ATRN: variants seen among roughly 807,000 people sequenced by gnomAD.
The protein encoded by ATRN is attractin-2.
Under a neutral mutation model 178.7 loss-of-function variants are expected in ATRN, and 54 were observed. That is an observed-to-expected ratio of 0.30 (90% CI 0.24 to 0.38). ATRN has a LOEUF of 0.38. Among genes scored for constraint, ATRN ranks in the 10% least tolerant of loss-of-function variants. The pLI is 1.00. For synonymous variants in ATRN, 636 were observed against 663.0 expected (o/e 0.96, Z 0.63); for missense variants, 1,443 against 1,815.1 (o/e 0.79, Z 3.73).
intron 2 of ATRN, among the ~76,000 whole-genome samples, chr20:3,538,213 T>C (rs141300437): frequency 6.6e-6 from 1 of 151,474 alleles, no homozygotes; most frequent in African/African-American, 2.4e-5. Flanking sequence ...AATCAAGATA[T>C]CCTTAAATGA....
rs1009069402 is a variant in ATRN at position 3,632,485 on chromosome 20, C to T, written c.3864-1826C>T. ...GAGGCTCCCCAAGCCATCCCAGGCACGGCCTTGCCTCGGGCTTTGCACTGA... is the reference window on the plus strand; with the variant it reads ...GAGGCTCCCCAAGCCATCCCAGGCATGGCCTTGCCTCGGGCTTTGCACTGA... On this transcript the variant is annotated intron_variant, in intron 25 of 28. Coordinates refer to ENST00000262919, the MANE Select transcript of ATRN (RefSeq NM_139321.3). The surrounding 1 kb of genome is among the most constrained non-coding windows in gnomAD (Gnocchi z 4.2). Among the ~76,000 whole-genome samples the T allele has an allele frequency of 4.6e-5, 7 of 152,190 alleles. No individual in the cohort carries two copies. Among genetic ancestry groups the T allele is most frequent in the South Asian group, 2.1e-4 (1 of 4,836 alleles).
chr20:3,563,043 T>C (rs2085977006), intron 9 of ATRN, among the ~76,000 whole-genome samples, 166 bp from the exon 10 acceptor site: 1 of 152,240 alleles, frequency 6.6e-6, no homozygotes, highest in Non-Finnish European at 1.5e-5. Flanking sequence ...TCTTTAAAAT[T>C]ATCTGTATTT....
chr20:3,557,244 C>A (rs887123134), intron 6 of ATRN, among the ~76,000 whole-genome samples: 4 of 152,046 alleles, frequency 2.6e-5, no homozygotes, highest in African/African-American at 9.7e-5. Flanking sequence ...ATAGAGGTTG[C>A]GGGTAGGCAG....
Position 3,576,695 on chromosome 20 carries a change from G to GTCTGTCTGTCTGTCTGTCTA in ATRN, c.2215-161_2215-160insGTCTGTCTGTCTGTCTATCT, listed in dbSNP as rs11472378. On this transcript the variant is annotated intron_variant, in intron 13 of 28. Transcript: ENST00000262919. ...TATCTATCTATCTGTCTGTCTGTCT[G>GTCTGTCTGTCTGTCTGTCTA]TCTATCTATCTATCTATCTATCTAT... Among the ~76,000 whole-genome samples the GTCTGTCTGTCTGTCTGTCTA allele has an allele frequency of 6.8e-4, 97 of 142,380 alleles. 2 individuals carry two copies. In the South Asian group the frequency reaches 0.013, roughly 19 times the overall value. The allele number at this position is 142,380 out of a possible 152,430, so 93.4% of individuals were successfully genotyped here. A position where few individuals can be genotyped will look rare whatever the true frequency, so the allele number is the denominator to read the frequency against.
At chr20:3,493,521 C>T (rs1436272063) in intron 1 of ATRN, among the ~76,000 whole-genome samples, 1 of 151,966 alleles carries the variant, frequency 6.6e-6, no homozygotes, top group East Asian at 1.9e-4. Context: ...TCTCAAGCTC[C>T]TGGCCTCAAG....
intron 11 of ATRN, among the ~76,000 whole-genome samples, chr20:3,569,494 A>G (rs2086086234): frequency 2.6e-5 from 4 of 152,320 alleles, no homozygotes; most frequent in Non-Finnish European, 5.9e-5. Flanking sequence ...GAGGGAGCAT[A>G]CAGGACTGGA....
chr20:3,552,527 T>C (rs2085804588), intron 6 of ATRN, among the ~76,000 whole-genome samples: 2 of 152,232 alleles, frequency 1.3e-5, no homozygotes, highest in South Asian at 4.1e-4. Flanking sequence ...CCCGTATTGG[T>C]ATATTTATGA....
At chr20:3,535,772 A>G (rs1490635316) in intron 2 of ATRN, among the ~76,000 whole-genome samples, 1 of 152,024 alleles carries the variant, frequency 6.6e-6, no homozygotes, top group African/African-American at 2.4e-5. Context: ...CTAGGATTAC[A>G]GGTGCATGCC....
chr20:3,573,985 G>A (rs1290945160), intron 12 of ATRN, among the ~76,000 whole-genome samples: 1 of 152,028 alleles, frequency 6.6e-6, no homozygotes, highest in African/African-American at 2.4e-5. Flanking sequence ...TGATCTGCCC[G>A]CCTCAGCCTC....
chr20:3,574,201 G>A (rs1194732799), intron 12 of ATRN, among the ~76,000 whole-genome samples: 1 of 150,714 alleles, frequency 6.6e-6, no homozygotes, highest in South Asian at 2.1e-4. Flanking sequence ...AACTTTTCAC[G>A]AATATAAATT....
intron 1 of ATRN, among the ~76,000 whole-genome samples, chr20:3,520,288 G>A (rs2085274780): frequency 6.6e-6 from 1 of 152,138 alleles, no homozygotes; most frequent in South Asian, 2.1e-4. Flanking sequence ...TATCTTAGGA[G>A]TCTCATTTTT....
At chr20:3,618,979 G>A (rs879695708) in intron 24 of ATRN, among the ~76,000 whole-genome samples, 5 of 152,244 alleles carry the variant, frequency 3.3e-5, no homozygotes, top group Non-Finnish European at 7.3e-5. Context: ...GCAAAGCCAA[G>A]AAGAGTAGAG....
intron 1 of ATRN, among the ~76,000 whole-genome samples, chr20:3,512,107 A>ATATATATATATATATATTTT: frequency 1.1e-3 from 118 of 106,290 alleles, no homozygotes; most frequent in Non-Finnish European, 1.7e-3. Flanking sequence ...ATATATATAT[A>ATATATATATATATATATTTT]TTTTTTTTTT....
At position 3,565,318 on chromosome 20, in the gene ATRN, C is replaced by T. The variant is rs191211030; in HGVS notation, c.1787-30C>T. ...GTCCTGTTGATTAGAAATGGTAGTC[C>T]GTTTAAAAATATATTTTTCTTTCTC... On this transcript the variant is annotated intron_variant, in intron 10 of 28. Coordinates refer to ENST00000262919, the MANE Select transcript of ATRN (RefSeq NM_139321.3). 27 of 1,558,236 alleles carry T rather than the reference C, an allele frequency of 1.7e-5. No homozygotes were observed. In the East Asian group the frequency reaches 2.0e-4, roughly 12 times the overall value.
chr20:3,489,026 T>A (rs1330487878), intron 1 of ATRN, among the ~76,000 whole-genome samples: 1 of 152,192 alleles, frequency 6.6e-6, no homozygotes, highest in Non-Finnish European at 1.5e-5. Flanking sequence ...AGTGGCGTGA[T>A]CTTGGCTCAC....
chr20:3,479,890 A>T (rs1443668421), intron 1 of ATRN, among the ~76,000 whole-genome samples: 2 of 152,152 alleles, frequency 1.3e-5, no homozygotes, highest in African/African-American at 4.8e-5. Flanking sequence ...TCTTAAGGGT[A>T]CCAGTCATAG....
At chr20:3,489,814 A>G in intron 1 of ATRN, 1 of 1,260,736 alleles carries the variant, frequency 7.9e-7, no homozygotes, top group Non-Finnish European at 1.2e-6. Flanking sequence ...CAAATCTCAC[A>G]GTTATAGTTG....
chr20:3,644,352 A>G, intron 28 of ATRN, 84 bp downstream of exon 28: 1 of 1,171,632 alleles, frequency 8.5e-7, no homozygotes, highest in Non-Finnish European at 1.2e-6. Flanking sequence ...CTAGAGAACA[A>G]GGTTATAAAG....
At position 3,560,864 on chromosome 20, in the gene ATRN, C is replaced by G. The variant is rs370919111; in HGVS notation, c.1406C>G (p.Pro469Arg). 2 of 1,614,034 alleles carry G rather than the reference C, an allele frequency of 1.2e-6. No homozygotes were observed. The highest frequency in any genetic ancestry group is 3.3e-4 in the Middle Eastern group (2 of 6,062). ...ATGCTGGTCATCTTTGGTCACTGCC[C>G]TCTCTATGGATATATAAGCAATGTG... ...VVMLVIFGHC[P>R]LYGYISNVQE... The change falls in exon 8 of 29, where the codon CCT becomes CGT. Residue 469 changes from proline (P) to arginine (R), a missense_variant. Transcript: ENST00000262919.
Sources: allele counts gnomAD v4.1 joint callset (sites outside exome capture counted in the v4.1 genomes callset), GRCh38; gene constraint gnomAD v4.1.1; non-coding constraint Gnocchi (gnomAD v3.1); transcripts MANE v1.5; gene names NCBI Gene and HGNC (gene_info 2026-07-23, HGNC 2026-07-21).